The following CDH2 variants were observed in gnomAD, a reference collection of about 807,000 sequenced individuals.
CDH2 encodes cadherin 2, also known as cadherin-2.
CDH2 carries 17 observed loss-of-function variants against 92.0 expected under a neutral mutation model. That is an observed-to-expected ratio of 0.18 (90% CI 0.13 to 0.28). The LOEUF (loss-of-function observed/expected upper bound fraction) is 0.28, where lower values mean the gene tolerates loss of function less well. Ranked by LOEUF, CDH2 falls within the 10% of genes least tolerant of loss-of-function variation. CDH2 has a pLI of 1.00. For missense variants in CDH2, 862 were observed against 1,133.1 expected (o/e 0.76, Z 3.44); for synonymous variants, 419 against 415.9 (o/e 1.01, Z -0.09).
intron 14 of CDH2, among the ~76,000 whole-genome samples, chr18:27,965,168 A>T (rs950032307): frequency 6.6e-6 from 1 of 152,208 alleles, no homozygotes; most frequent in Admixed American, 6.5e-5. Context: ...GAGAATCAAA[A>T]CCATGAGTGT....
chr18:28,015,290 C>T (rs1028091788), intron 2 of CDH2, among the ~76,000 whole-genome samples: 5 of 152,152 alleles, frequency 3.3e-5, no homozygotes, highest in African/African-American at 1.2e-4. Flanking sequence ...CCACATAATG[C>T]CATCTATATT....
intron 15 of CDH2, among the ~76,000 whole-genome samples, chr18:27,962,430 G>GTAGAT (rs1240757988): frequency 6.6e-5 from 10 of 152,152 alleles, no homozygotes; most frequent in Admixed American, 2.6e-4. Context: ...AAAACCTAAT[G>GTAGAT]TAGATTATGT....
exon 7 of CDH2, among the ~76,000 whole-genome samples, chr18:27,933,078 C>T (rs1031314011): frequency 1.1e-4 from 16 of 151,956 alleles, no homozygotes; most frequent in African/African-American, 3.9e-4. Flanking sequence ...ATCATGGTGC[C>T]CACGAAGCCA....
intron 6 of CDH2, among the ~76,000 whole-genome samples, chr18:27,937,032 T>G (rs1475386845): frequency 6.6e-6 from 1 of 152,212 alleles, no homozygotes; most frequent in East Asian, 1.9e-4. Context: ...CATTCATTCA[T>G]ATTCAAAATA....
intron 2 of CDH2, among the ~76,000 whole-genome samples, chr18:28,044,650 T>C (rs1434090133): frequency 2.0e-5 from 3 of 152,044 alleles, no homozygotes; most frequent in Non-Finnish European, 4.4e-5. Flanking sequence ...TTAAAAATAA[T>C]AATGGAAAAC....
Position 28,166,149 on chromosome 18 carries a change from C to CATAT in CDH2, c.60+10810_60+10813dup, listed in dbSNP as rs35562216. On this transcript the variant is annotated intron_variant, in intron 1 of 15. Coordinates refer to ENST00000269141, the MANE Select transcript of CDH2 (RefSeq NM_001792.5). Reference sequence around the variant, plus strand: ...CAAAGAGGAGTAATTCAGACACACTCATATATATATATATATATATATATG... The same window carrying CATAT: ...CAAAGAGGAGTAATTCAGACACACTCATATATATATATATATATATATATATATG... Among the ~76,000 whole-genome samples the CATAT allele has an allele frequency of 7.2e-3, 426 of 59,272 alleles. 32 individuals are homozygous for CATAT. In the South Asian group the frequency reaches 0.079, roughly 11 times the overall value. 38.9% of individuals were successfully genotyped at this position (59,272 alleles called of 152,430 possible).
chr18:28,049,695 A>G (rs1452279699), intron 2 of CDH2, among the ~76,000 whole-genome samples: 2 of 152,120 alleles, frequency 1.3e-5, no homozygotes, highest in African/African-American at 4.8e-5. Context: ...AAGACAACCA[A>G]CCTCCACAAC....
intron 2 of CDH2, among the ~76,000 whole-genome samples, chr18:28,076,281 T>C (rs566306815): frequency 2.6e-5 from 4 of 152,172 alleles, no homozygotes; most frequent in Admixed American, 6.5e-5. Flanking sequence ...GTCTTGTTTG[T>C]TGCACAATCT....
intron 2 of CDH2, among the ~76,000 whole-genome samples, chr18:28,123,040 C>T (rs749333988): frequency 6.6e-6 from 1 of 152,052 alleles, no homozygotes; most frequent in African/African-American, 2.4e-5. Flanking sequence ...TGTTTTAACA[C>T]TTTTTATATA....
chr18:27,941,908 C>T (rs1305287655), intron 6 of CDH2, among the ~76,000 whole-genome samples: 2 of 152,158 alleles, frequency 1.3e-5, no homozygotes, highest in Non-Finnish European at 2.9e-5. Context: ...TCTTCCAGAG[C>T]TGGCAATTAA....
intron 14 of CDH2, among the ~76,000 whole-genome samples, chr18:27,977,412 G>A (rs1037328786): frequency 6.6e-6 from 1 of 151,190 alleles, no homozygotes; most frequent in Non-Finnish European, 1.5e-5. Flanking sequence ...TAGTTATTTT[G>A]TTAAAGAAAT....
At chr18:28,097,219 T>A (rs1193323109) in intron 2 of CDH2, 1 of 152,104 alleles carries the variant, frequency 6.6e-6, no homozygotes, top group Non-Finnish European at 1.5e-5. Context: ...CAATGTGTAT[T>A]TGTGTTTCTT....
intron 2 of CDH2, among the ~76,000 whole-genome samples, chr18:28,062,699 C>T (rs1259723773): frequency 2.6e-5 from 4 of 152,286 alleles, no homozygotes; most frequent in South Asian, 4.1e-4. Context: ...CCAGGCTAGG[C>T]GTGGTGGCTC....
rs5823568 is a variant in CDH2 at position 27,955,761 on chromosome 18, G to GTTTTTTTTTTTTTTTTTTTTTTTTTTTT, written c.2515-3403_2515-3402insAAAAAAAAAAAAAAAAAAAAAAAAAAAA. ...ACAAATCTCTGTTTTCTTTATTTCTGTTTTTTTTTTTTTTTTTTTAAAGAG... is the reference window on the plus strand; with the variant it reads ...ACAAATCTCTGTTTTCTTTATTTCTGTTTTTTTTTTTTTTTTTTTTTTTTTTTTTTTTTTTTTTTTTTTTTTTAAAGAG... On this transcript the variant is annotated intron_variant, in intron 15 of 15. Transcript: ENST00000269141. 2.9e-4 allele frequency among the ~76,000 whole-genome samples: 32 copies of GTTTTTTTTTTTTTTTTTTTTTTTTTTTT among 111,706 alleles called. 2 individuals carry two copies. Among genetic ancestry groups the GTTTTTTTTTTTTTTTTTTTTTTTTTTTT allele is most frequent in the East Asian group, 5.6e-4 (2 of 3,584 alleles). The allele number at this position is 111,706 out of a possible 152,430, so 73.3% of individuals were successfully genotyped here.
At chr18:28,117,468 AG>A (rs2015514117) in intron 2 of CDH2, among the ~76,000 whole-genome samples, 3 of 152,124 alleles carry the variant, frequency 2.0e-5, no homozygotes, top group Admixed American at 2.0e-4. Flanking sequence ...AGAGATTTTA[AG>A]TGCTCCTACA....
intron 2 of CDH2, among the ~76,000 whole-genome samples, chr18:28,055,821 A>C (rs1330107874): frequency 6.6e-6 from 1 of 152,134 alleles, no homozygotes; most frequent in Non-Finnish European, 1.5e-5. Flanking sequence ...TTAGTTGAAA[A>C]AATATTTTTC....
intron 2 of CDH2, among the ~76,000 whole-genome samples, chr18:28,038,422 AGTGTGTGTGTGTGTGTGTGTGT>A (rs57601293): frequency 0.045 from 6,477 of 142,366 alleles, 162 homozygotes; most frequent in South Asian, 0.078. Context: ...CCTTGTCTCA[AGTGTGTGTGTGTGTGTGTGTGT>A]GTGTGTGTGT....
Position 27,985,022 on chromosome 18 carries a change from C to G in CDH2, c.2187G>C (p.Leu729=). 1 of 1,613,586 alleles carries G rather than the reference C, an allele frequency of 6.2e-7. No homozygotes were observed. The highest frequency in any genetic ancestry group is 8.5e-7 in the Non-Finnish European group (1 of 1,179,524). ...CACTAAGCAGGATGATGATGCAGAGCAGGATGGCAATGATGGCACCGGTGC... is the reference window on the plus strand; with the variant it reads ...CACTAAGCAGGATGATGATGCAGAGGAGGATGGCAATGATGGCACCGGTGC... The part of the protein sequence containing the change: ...GLGTGAIIAI[L]LCIIILLILV... The change falls in exon 13 of 16, where the codon CTG becomes CTC. Residue 729 remains leucine, a synonymous_variant. Transcript: ENST00000269141.
chr18:28,068,915 C>T (rs941203582), intron 2 of CDH2, among the ~76,000 whole-genome samples: 10 of 152,138 alleles, frequency 6.6e-5, no homozygotes, highest in Non-Finnish European at 1.2e-4. Context: ...CAAGTCTCTA[C>T]CACATAATAA....
Sources: gnomAD v4.1 joint callset for allele counts (sites outside exome capture counted in the v4.1 genomes callset) on GRCh38, gnomAD v4.1.1 for gene constraint, MANE v1.5 for transcripts, NCBI Gene and HGNC (gene_info 2026-07-23, HGNC 2026-07-21) for gene names.